ARHGAP6: variants seen among roughly 807,000 people sequenced by gnomAD.
ARHGAP6 encodes rho GTPase-activating protein 6.
A neutral mutation model predicts 55.7 loss-of-function variants in ARHGAP6; 16 were observed. The ratio of observed to expected loss-of-function variants is 0.29; its 90% CI spans 0.19 to 0.44. ARHGAP6 has a LOEUF of 0.44. ARHGAP6 is among the 20% of genes least tolerant of loss of function. The probability of loss-of-function intolerance (pLI) is 1.00; values close to 1 mark genes in which losing one functional copy is unlikely to be tolerated. For synonymous variants in ARHGAP6, 382 were observed against 360.9 expected (o/e 1.06, Z -0.66); for missense variants, 698 against 808.9 (o/e 0.86, Z 1.66).
intron 1 of ARHGAP6, among the ~76,000 whole-genome samples, chrX:11,315,861 T>C (rs1258911771): frequency 8.9e-6 from 1 of 112,186 alleles, no homozygotes; most frequent in Non-Finnish European, 1.9e-5. Flanking sequence ...TATCTTTAAA[T>C]GACATCTATG....
chrX:11,586,950 C>T (rs1470503496), intron 1 of ARHGAP6, among the ~76,000 whole-genome samples: 1 of 111,687 alleles, frequency 9.0e-6, no homozygotes, highest in Non-Finnish European at 1.9e-5. Context: ...AATGGGAGTT[C>T]GTTACTGATT....
intron 1 of ARHGAP6, among the ~76,000 whole-genome samples, chrX:11,546,285 A>C (rs1457871169): frequency 1.8e-5 from 2 of 111,032 alleles, no homozygotes; most frequent in Non-Finnish European, 3.8e-5. Flanking sequence ...GTCTTTCTCC[A>C]TTCAGTAAGC....
At chrX:11,492,854 T>C (rs1428371459) in intron 1 of ARHGAP6, among the ~76,000 whole-genome samples, 1 of 112,357 alleles carries the variant, frequency 8.9e-6, no homozygotes, top group East Asian at 2.8e-4. Context: ...CATTAACAGT[T>C]AGGGATAGCC....
chrX:11,518,471 T>G lies in ARHGAP6; in HGVS notation c.588+145770A>C, dbSNP rs764445692. Among the ~76,000 whole-genome samples the G allele has an allele frequency of 2.6e-3, 267 of 101,244 alleles. 2 individuals carry two copies. Among genetic ancestry groups the G allele is most frequent in the Non-Finnish European group, 3.0e-3 (150 of 49,778 alleles). 87.9% of individuals were successfully genotyped at this position (101,244 alleles called of 115,157 possible). A position where few individuals can be genotyped will look rare whatever the true frequency, so the allele number is the denominator to read the frequency against. On this transcript the variant is annotated intron_variant, in intron 1 of 12. Coordinates refer to ENST00000337414, the MANE Select transcript of ARHGAP6 (RefSeq NM_013427.3). ...ATTTTCTTTTTTTTTTCTTTTTTTT[T>G]TTTTTTTTTGACCTACTGTCTTTCT...
At chrX:11,390,886 C>G (rs1339120330) in intron 1 of ARHGAP6, among the ~76,000 whole-genome samples, 1 of 111,953 alleles carries the variant, frequency 8.9e-6, no homozygotes, top group Non-Finnish European at 1.9e-5. Flanking sequence ...CTAGTTCAAC[C>G]ATTGTGGAAG....
chrX:11,417,059 C>CATATATATATATATATATAT (rs768174897), intron 1 of ARHGAP6, among the ~76,000 whole-genome samples: 1 of 33,377 alleles, frequency 3.0e-5, no homozygotes, highest in Non-Finnish European at 5.0e-5. Flanking sequence ...TGGGTGTGTA[C>CATATATATATATATATATAT]ATATATATAT....
At chrX:11,486,533 T>G (rs1046692169) in intron 1 of ARHGAP6, among the ~76,000 whole-genome samples, 1 of 112,072 alleles carries the variant, frequency 8.9e-6, no homozygotes, top group Non-Finnish European at 1.9e-5. Flanking sequence ...TCAGTTATAA[T>G]GTTACATGGT....
At chrX:11,293,616 G>A (rs1253266738) in intron 1 of ARHGAP6, 2 of 111,427 alleles carry the variant, frequency 1.8e-5, no homozygotes, top group Non-Finnish European at 3.8e-5. Flanking sequence ...AATTAAATTA[G>A]ACTCTGATTA....
chrX:11,143,387 A>G (rs2045646013), intron 11 of ARHGAP6: 1 of 187,305 alleles, frequency 5.3e-6, no homozygotes, highest in African/African-American at 3.1e-5. Context: ...AACTCAATGA[A>G]TTAAATACTG....
chrX:11,443,537 T>C (rs904189897), intron 1 of ARHGAP6, among the ~76,000 whole-genome samples: 15 of 112,168 alleles, frequency 1.3e-4, no homozygotes, highest in African/African-American at 4.9e-4. Context: ...GTTCCAGTTG[T>C]CCCATATTAA....
intron 1 of ARHGAP6, among the ~76,000 whole-genome samples, chrX:11,417,215 G>A (rs969369229): frequency 7.7e-5 from 8 of 104,379 alleles, no homozygotes; most frequent in African/African-American, 2.8e-4. Flanking sequence ...TGCTTTGGGT[G>A]TAAATAATCA....
At chrX:11,211,838 G>C (rs2046807444) in intron 2 of ARHGAP6, among the ~76,000 whole-genome samples, 1 of 112,202 alleles carries the variant, frequency 8.9e-6, no homozygotes, top group Admixed American at 9.4e-5. Flanking sequence ...ACCTCGCCCA[G>C]CTGGGAACAG....
At chrX:11,551,186 G>C (rs1031662084) in intron 1 of ARHGAP6, among the ~76,000 whole-genome samples, 1 of 111,711 alleles carries the variant, frequency 9.0e-6, no homozygotes, top group Non-Finnish European at 1.9e-5. Flanking sequence ...TCTTCACTTT[G>C]CCATAATGGG....
intron 1 of ARHGAP6, among the ~76,000 whole-genome samples, chrX:11,318,169 T>C (rs936975639): frequency 8.9e-6 from 1 of 112,497 alleles, no homozygotes; most frequent in Non-Finnish European, 1.9e-5. Context: ...TTAATTCTAC[T>C]ATCCAGCAAT....
At chrX:11,259,929 T>C (rs771805872) in intron 1 of ARHGAP6, among the ~76,000 whole-genome samples, 2 of 111,660 alleles carry the variant, frequency 1.8e-5, no homozygotes, top group Non-Finnish European at 3.8e-5. Flanking sequence ...AGTATGTTAT[T>C]TTACATGGTA....
Position 11,147,161 on chromosome X carries a change from A to G in ARHGAP6, c.1908-2913T>C, listed in dbSNP as rs186489154. ...CCAACACACACGCACATACATATAC[A>G]TATTCAGACATAAACACATACATAT... On this transcript the variant is annotated intron_variant, in intron 10 of 12. Coordinates refer to ENST00000337414, the MANE Select transcript of ARHGAP6 (RefSeq NM_013427.3). Among the ~76,000 whole-genome samples the G allele has an allele frequency of 2.3e-3, 253 of 112,341 alleles. 1 individual carries two copies. The highest frequency in any genetic ancestry group is 4.0e-3 in the Non-Finnish European group (214 of 53,253).
chrX:11,454,312 C>A (rs908814218), intron 1 of ARHGAP6, among the ~76,000 whole-genome samples: 1 of 109,794 alleles, frequency 9.1e-6, no homozygotes, highest in African/African-American at 3.3e-5. Flanking sequence ...TGCATGGAAC[C>A]TTCCACGATG....
At chrX:11,487,312 A>T (rs1468275614) in intron 1 of ARHGAP6, among the ~76,000 whole-genome samples, 1 of 111,966 alleles carries the variant, frequency 8.9e-6, no homozygotes, top group Non-Finnish European at 1.9e-5. Flanking sequence ...ACCATTTTAC[A>T]CTAAACAGAG....
At chrX:11,195,553 G>A (rs764853204) in intron 3 of ARHGAP6, among the ~76,000 whole-genome samples, 1 of 110,824 alleles carries the variant, frequency 9.0e-6, no homozygotes, top group African/African-American at 3.3e-5. Flanking sequence ...CAAAAGATGA[G>A]TATACTGTGA....
Sources: allele counts gnomAD v4.1 joint callset (sites outside exome capture counted in the v4.1 genomes callset), GRCh38; gene constraint gnomAD v4.1.1; transcripts MANE v1.5; gene names NCBI Gene and HGNC (gene_info 2026-07-23, HGNC 2026-07-21).